TBXAS1: variants seen among roughly 807,000 people sequenced by gnomAD.
TBXAS1 encodes the protein thromboxane-A synthase.
TBXAS1 carries 48 observed loss-of-function variants against 60.7 expected under a neutral mutation model. That is an observed-to-expected ratio of 0.79 (90% CI 0.63 to 1.01). The LOEUF (loss-of-function observed/expected upper bound fraction) is 1.01. Among genes scored for constraint, TBXAS1 ranks in the 50% least tolerant of loss-of-function variants. The pLI, the probability that TBXAS1 is intolerant of heterozygous loss-of-function variation, is 0.00. For synonymous variants in TBXAS1, 287 were observed against 269.7 expected (o/e 1.06, Z -0.63); for missense variants, 685 against 686.3 (o/e 1.00, Z 0.02).
At chr7:139,809,233 TGATAGATAGATAGATAGATA>T (rs55681043) in intron 4 of TBXAS1, among the ~76,000 whole-genome samples, 4 of 130,998 alleles carry the variant, frequency 3.1e-5, no homozygotes, top group Non-Finnish European at 6.4e-5. Context: ...GATAGATAGA[TGATAGATAGATAGATAGATA>T]GATAGATAGA....
intron 10 of TBXAS1, among the ~76,000 whole-genome samples, chr7:140,010,314 G>A (rs1192568368): frequency 6.6e-6 from 1 of 152,180 alleles, no homozygotes; most frequent in African/African-American, 2.4e-5. Context: ...AAAGCGTGTT[G>A]ACTTTTCCCA....
chr7:139,914,188 C>G (rs979019169), intron 4 of TBXAS1, among the ~76,000 whole-genome samples: 5 of 151,532 alleles, frequency 3.3e-5, no homozygotes, highest in Non-Finnish European at 7.4e-5. Context: ...TGCCACCATG[C>G]CTGGCTAATT....
intron 4 of TBXAS1, among the ~76,000 whole-genome samples, chr7:139,925,532 A>G (rs1041482195): frequency 6.6e-5 from 10 of 152,312 alleles, no homozygotes; most frequent in Middle Eastern, 3.4e-3. Context: ...TATGAGATCT[A>G]ATAGCTTTTC....
chr7:139,794,030 A>G (rs796229037), intron 4 of TBXAS1, among the ~76,000 whole-genome samples: 9 of 152,104 alleles, frequency 5.9e-5, no homozygotes, highest in African/African-American at 2.2e-4. Context: ...TAATGCTTGT[A>G]TGGGTGTGTG....
chr7:139,899,302 C>A (rs371556652), intron 3 of TBXAS1, among the ~76,000 whole-genome samples: 2 of 152,206 alleles, frequency 1.3e-5, no homozygotes, highest in South Asian at 4.2e-4. Context: ...CTGTAGGTGA[C>A]CCCCTGCCCA....
chr7:139,983,880 G>C (rs538914574), intron 9 of TBXAS1, among the ~76,000 whole-genome samples: 12 of 152,304 alleles, frequency 7.9e-5, no homozygotes, highest in South Asian at 2.1e-4. Flanking sequence ...TAGTCGATCA[G>C]TTTGCACAGA....
At chr7:139,795,885 T>G (rs1797553635) in intron 4 of TBXAS1, among the ~76,000 whole-genome samples, 2 of 152,152 alleles carry the variant, frequency 1.3e-5, no homozygotes, top group Non-Finnish European at 2.9e-5. Context: ...TCACAAGCTC[T>G]TCTCCAGTTA....
intron 7 of TBXAS1, 27 bp from the exon 8 acceptor site, chr7:139,957,607 A>G (rs1809968971): frequency 6.2e-7 from 1 of 1,613,698 alleles, no homozygotes; most frequent in Non-Finnish European, 8.5e-7. Context: ...CCCCTTTTCA[A>G]TGCCACTTTT....
chr7:139,952,728 T>G (rs981469356), intron 5 of TBXAS1: 1 of 1,479,662 alleles, frequency 6.8e-7, no homozygotes. Context: ...ATTTTCCTAT[T>G]AAAAAAAAGA....
intron 9 of TBXAS1, among the ~76,000 whole-genome samples, chr7:140,003,544 A>T (rs1813845546): frequency 1.3e-5 from 2 of 152,228 alleles, no homozygotes; most frequent in Admixed American, 6.5e-5. Flanking sequence ...AAGCACAGTT[A>T]AAAAGAGAAA....
intron 4 of TBXAS1, among the ~76,000 whole-genome samples, chr7:139,807,769 A>C (rs6951759): frequency 0.71 from 107,272 of 151,898 alleles, 39,504 homozygotes; most frequent in East Asian, 0.92. Flanking sequence ...CCTCGTGCCT[A>C]AACCTCCCAT....
chr7:139,853,965 G>A (rs1006293048), intron 1 of TBXAS1, among the ~76,000 whole-genome samples: 4 of 152,146 alleles, frequency 2.6e-5, no homozygotes, highest in African/African-American at 9.7e-5. Context: ...GCTCCTGGAG[G>A]AGGCAACCCT....
intron 3 of TBXAS1, among the ~76,000 whole-genome samples, chr7:139,876,207 C>G (rs1261739390): frequency 6.6e-6 from 1 of 152,202 alleles, no homozygotes; most frequent in African/African-American, 2.4e-5. Context: ...GGCATATGGT[C>G]ACCCTAGTTC....
In TBXAS1 at chr7:139,999,753, C is replaced by T. The variant is rs945709834; in HGVS notation, c.1135-7338C>T. On this transcript the variant is annotated intron_variant, in intron 9 of 12. Coordinates refer to ENST00000448866, the MANE Select transcript of TBXAS1 (RefSeq NM_001061.7). This position sits in a 1 kb window ranked among gnomAD's most constrained non-coding sequence, Gnocchi z 4.3. ...TTCTAGAGGGCAAGGGCCAGCATCA[C>T]TTGGCCTACTTCTTAGTATAAGACC... Among the ~76,000 whole-genome samples, 9 of 152,204 alleles carry T rather than the reference C, an allele frequency of 5.9e-5. No homozygotes were observed. Among genetic ancestry groups the T allele is most frequent in the African/African-American group, 2.2e-4 (9 of 41,458 alleles).
intron 3 of TBXAS1, among the ~76,000 whole-genome samples, chr7:139,900,902 C>T (rs1353040846): frequency 6.6e-6 from 1 of 152,140 alleles, no homozygotes; most frequent in Non-Finnish European, 1.5e-5. Context: ...ATGTGTCCAC[C>T]CCTTGGACCA....
intron 5 of TBXAS1, among the ~76,000 whole-genome samples, chr7:139,939,825 G>A (rs982717927): frequency 6.6e-6 from 1 of 152,160 alleles, no homozygotes; most frequent in African/African-American, 2.4e-5. Flanking sequence ...ATGTGGAAGG[G>A]GAAAGCATTT....
chr7:139,918,953 T>G (rs528298177), intron 4 of TBXAS1, among the ~76,000 whole-genome samples: 15 of 152,248 alleles, frequency 9.9e-5, no homozygotes, highest in Middle Eastern at 3.4e-3. Context: ...CACTACTGTT[T>G]TCATTTTTGG....
At chr7:139,902,217 A>G (rs1474416138) in intron 3 of TBXAS1, among the ~76,000 whole-genome samples, 1 of 151,848 alleles carries the variant, frequency 6.6e-6, no homozygotes, top group African/African-American at 2.4e-5. Flanking sequence ...GATAAAGACT[A>G]TCCTATGACC....
At chr7:139,797,926 C>A (rs1797614372) in intron 4 of TBXAS1, among the ~76,000 whole-genome samples, 1 of 152,162 alleles carries the variant, frequency 6.6e-6, no homozygotes, top group South Asian at 2.1e-4. Context: ...CCAAATAGAA[C>A]AAAGAGATGC....
Sources: allele counts gnomAD v4.1 joint callset (sites outside exome capture counted in the v4.1 genomes callset), GRCh38; gene constraint gnomAD v4.1.1; non-coding constraint Gnocchi (gnomAD v3.1); transcripts MANE v1.5; gene names NCBI Gene and HGNC (gene_info 2026-07-23, HGNC 2026-07-21).